TTC28: variants seen among roughly 807,000 people sequenced by gnomAD.
TTC28 encodes the protein tetratricopeptide repeat protein 28.
In TTC28, 61 loss-of-function variants were observed where a neutral mutation model predicts 198.0. The ratio of observed to expected loss-of-function variants is 0.31; its 90% CI spans 0.25 to 0.38. The LOEUF is 0.38. Among genes scored for constraint, TTC28 ranks in the 10% least tolerant of loss-of-function variants. TTC28 has a pLI of 1.00. For synonymous variants in TTC28, 1,171 were observed against 1,297.8 expected (o/e 0.90, Z 2.10); for missense variants, 2,678 against 3,164.0 (o/e 0.85, Z 3.69).
chr22:28,441,446 C>A (rs116052727), intron 2 of TTC28, among the ~76,000 whole-genome samples: 2,086 of 152,130 alleles, frequency 0.014, 62 homozygotes, highest in African/African-American at 0.048. Flanking sequence ...TTCTCTCAAC[C>A]AAAGTGAATG....
intron 2 of TTC28, among the ~76,000 whole-genome samples, chr22:28,372,346 T>G (rs2046350652): frequency 6.6e-6 from 1 of 152,176 alleles, no homozygotes; most frequent in Non-Finnish European, 1.5e-5. Flanking sequence ...ACAGGATATT[T>G]TTATTAAACA....
chr22:28,137,020 G>A (rs1879903967), intron 6 of TTC28, among the ~76,000 whole-genome samples: 2 of 152,158 alleles, frequency 1.3e-5, no homozygotes, highest in South Asian at 4.1e-4. Flanking sequence ...CTGAATTAAG[G>A]GGCATGGAAA....
chr22:28,009,649 A>G (rs1938064430), intron 14 of TTC28, among the ~76,000 whole-genome samples: 1 of 152,162 alleles, frequency 6.6e-6, no homozygotes, highest in South Asian at 2.1e-4. Flanking sequence ...CTGACCTGCC[A>G]CAATTCGGCA....
chr22:28,264,140 A>C (rs1931520268), intron 5 of TTC28, among the ~76,000 whole-genome samples: 1 of 152,086 alleles, frequency 6.6e-6, no homozygotes, highest in Non-Finnish European at 1.5e-5. Context: ...TCATGGGAGA[A>C]AGCTGGTGAG....
chr22:28,225,858 T>C (rs1366182154), intron 5 of TTC28, among the ~76,000 whole-genome samples: 1 of 152,250 alleles, frequency 6.6e-6, no homozygotes, highest in Non-Finnish European at 1.5e-5. Context: ...TTGCATTTTG[T>C]AGAGCTTCAT....
intron 3 of TTC28, among the ~76,000 whole-genome samples, chr22:28,301,575 A>G (rs987133776): frequency 6.6e-6 from 1 of 152,234 alleles, no homozygotes; most frequent in African/African-American, 2.4e-5. Context: ...AGAGATGCAC[A>G]TTTATTCACA....
chr22:28,084,446 G>C (rs1052334944), intron 12 of TTC28, among the ~76,000 whole-genome samples: 1 of 152,180 alleles, frequency 6.6e-6, no homozygotes, highest in Admixed American at 6.5e-5. Flanking sequence ...CTGCAGCTGA[G>C]GGTCCTGTCT....
chr22:28,079,215 C>T (rs868335299), intron 12 of TTC28, among the ~76,000 whole-genome samples: 2 of 151,964 alleles, frequency 1.3e-5, no homozygotes, highest in Non-Finnish European at 1.5e-5. Flanking sequence ...GTTTGGAAAG[C>T]CATGAGAGGG....
chr22:28,490,592 T>C (rs2048364143), intron 2 of TTC28, among the ~76,000 whole-genome samples: 1 of 152,232 alleles, frequency 6.6e-6, no homozygotes, highest in African/African-American at 2.4e-5. Context: ...CACAGTTATT[T>C]GGACTATTCA....
At chr22:28,049,419 T>A (rs1465004479) in intron 12 of TTC28, among the ~76,000 whole-genome samples, 2 of 152,210 alleles carry the variant, frequency 1.3e-5, no homozygotes, top group Admixed American at 1.3e-4. Flanking sequence ...CCTTAAACTT[T>A]CTTCCTGTGA....
At chr22:28,278,394 G>A (rs957958019) in intron 5 of TTC28, among the ~76,000 whole-genome samples, 2 of 152,086 alleles carry the variant, frequency 1.3e-5, no homozygotes, top group African/African-American at 2.4e-5. Flanking sequence ...TCTATAAATT[G>A]TATCATTATG....
At chr22:28,538,094 ATTATT>A (rs1312681923) in intron 2 of TTC28, among the ~76,000 whole-genome samples, 2 of 152,092 alleles carry the variant, frequency 1.3e-5, no homozygotes, top group Non-Finnish European at 2.9e-5. Context: ...TCTCTTTTAG[ATTATT>A]TTAAGAGAGA....
chr22:28,450,193 T>A (rs911071856), intron 2 of TTC28, among the ~76,000 whole-genome samples: 3 of 152,114 alleles, frequency 2.0e-5, no homozygotes, highest in African/African-American at 7.2e-5. Flanking sequence ...AAGCCTTAGG[T>A]TAAAAAAATT....
intron 5 of TTC28, among the ~76,000 whole-genome samples, chr22:28,237,521 C>T (rs1215499416): frequency 6.6e-6 from 1 of 152,108 alleles, no homozygotes; most frequent in Admixed American, 6.6e-5. Context: ...ACGGTATGTA[C>T]TTTCATTTCT....
rs2146205140 is a variant in TTC28, at chr22:28,629,587, T to C, written c.346A>G (p.Ile116Val). 6.4e-7 allele frequency: 1 copy of C among 1,551,530 alleles called. No individual in the cohort carries two copies. Among genetic ancestry groups the C allele is most frequent in the South Asian group, 1.2e-5 (1 of 83,968 alleles). The change falls in exon 2 of 23, where the codon ATC becomes GTC. Residue 116 changes from isoleucine (I) to valine (V), a missense_variant. Physicochemically the swap from Ile to Val is conservative, Grantham distance 29. Coordinates refer to ENST00000397906, the MANE Select transcript of TTC28 (RefSeq NM_001145418.2). Reference protein sequence around the residue: ...QQYDKALDDAIKARLLNPKWP... With the variant: ...QQYDKALDDAVKARLLNPKWP... ...TTGGGATTGAGAAGTCGAGCTTTGA[T>C]TGCATCATCCAGTGCCTTGTCATAC...
chr22:28,660,608 C>A (rs1343052038), intron 1 of TTC28, among the ~76,000 whole-genome samples: 1 of 152,170 alleles, frequency 6.6e-6, no homozygotes, highest in Non-Finnish European at 1.5e-5. Flanking sequence ...ACTGCAACCT[C>A]CACCTCCTGG....
intron 5 of TTC28, among the ~76,000 whole-genome samples, chr22:28,178,245 A>C (rs1274359721): frequency 6.6e-6 from 1 of 151,014 alleles, no homozygotes. Context: ...ACCTGAGGTC[A>C]GGAGTTCGAG....
chr22:28,674,495 TA>T (rs1323900058), intron 1 of TTC28, among the ~76,000 whole-genome samples: 1 of 152,114 alleles, frequency 6.6e-6, no homozygotes, highest in Non-Finnish European at 1.5e-5. Flanking sequence ...ACTATGCAAT[TA>T]TACATATGAG....
At chr22:28,439,468 C>T (rs2047580659) in intron 2 of TTC28, among the ~76,000 whole-genome samples, 1 of 152,148 alleles carries the variant, frequency 6.6e-6, no homozygotes, top group Non-Finnish European at 1.5e-5. Context: ...ATAAAAATCC[C>T]TGGTCAGAAA....
Sources: allele counts gnomAD v4.1 joint callset (sites outside exome capture counted in the v4.1 genomes callset), GRCh38; gene constraint gnomAD v4.1.1; transcripts MANE v1.5; gene names NCBI Gene and HGNC (gene_info 2026-07-23, HGNC 2026-07-21).